The following SPEF2 variants were observed in gnomAD, a reference collection of about 807,000 sequenced individuals.
SPEF2 encodes sperm flagellar and cilia associated 2, also known as sperm flagella and cilia-associated protein 2.
A neutral mutation model predicts 224.6 loss-of-function variants in SPEF2; 187 were observed. The ratio of observed to expected loss-of-function variants is 0.83; its 90% confidence interval spans 0.74 to 0.94. The LOEUF (loss-of-function observed/expected upper bound fraction) is 0.94. Ranked by LOEUF, SPEF2 falls within the 40% of genes least tolerant of loss-of-function variation. SPEF2 has a pLI of 0.00. For missense variants in SPEF2, 2,170 were observed against 2,135.6 expected (o/e 1.02, Z -0.32); for synonymous variants, 715 against 707.3 (o/e 1.01, Z -0.17).
intron 36 of SPEF2, chr5:35,807,771 A>C (rs1758258297): frequency 6.5e-7 from 1 of 1,535,710 alleles, no homozygotes; most frequent in African/African-American, 1.4e-5. Flanking sequence ...CAGCAGAAGA[A>C]AGGAAGAACT....
intron 36 of SPEF2, among the ~76,000 whole-genome samples, chr5:35,813,832 T>TAA (rs34553306): frequency 8.2e-4 from 122 of 148,348 alleles, no homozygotes; most frequent in Non-Finnish European, 8.2e-4. Context: ...AATTGTGAAA[T>TAA]AAAAAAAAAA....
At chr5:35,683,446 G>A (rs1400147038) in intron 10 of SPEF2, among the ~76,000 whole-genome samples, 1 of 152,134 alleles carries the variant, frequency 6.6e-6, no homozygotes, top group East Asian at 1.9e-4. Context: ...CCAACATGGT[G>A]AAACCCTGTC....
chr5:35,679,490 A>C (rs910243570), intron 10 of SPEF2, among the ~76,000 whole-genome samples: 1 of 152,184 alleles, frequency 6.6e-6, no homozygotes, highest in African/African-American at 2.4e-5. Flanking sequence ...AAGCAAAGTG[A>C]GGAGGCTCTG....
At chr5:35,638,494 CT>C (rs1025783872) in intron 2 of SPEF2, among the ~76,000 whole-genome samples, 5 of 152,086 alleles carry the variant, frequency 3.3e-5, no homozygotes, top group Admixed American at 3.3e-4. Context: ...TATTTTTTCA[CT>C]TCTACCATGA....
chr5:35,778,060 T>C (rs1028255340), intron 29 of SPEF2, among the ~76,000 whole-genome samples: 1 of 152,202 alleles, frequency 6.6e-6, no homozygotes, highest in African/African-American at 2.4e-5. Flanking sequence ...GGAGTTGAAT[T>C]CTAGAGTATC....
At chr5:35,798,483 A>G (rs1189413845) in intron 33 of SPEF2, among the ~76,000 whole-genome samples, 1 of 152,044 alleles carries the variant, frequency 6.6e-6, no homozygotes, top group Non-Finnish European at 1.5e-5. Context: ...CCTCCACGTC[A>G]TTGGTCAAAC....
At chr5:35,757,210 CTTG>C (rs1201975043) in intron 24 of SPEF2, among the ~76,000 whole-genome samples, 1 of 151,628 alleles carries the variant, frequency 6.6e-6, no homozygotes, top group Non-Finnish European at 1.5e-5. Flanking sequence ...TTATGAAAAT[CTTG>C]GATATAGTAT....
intron 26 of SPEF2, among the ~76,000 whole-genome samples, chr5:35,767,545 G>A (rs917415834): frequency 2.0e-5 from 3 of 151,938 alleles, no homozygotes; most frequent in Admixed American, 6.6e-5. Flanking sequence ...GTGATTTAGT[G>A]TGTGCTATTT....
At position 35,705,456 on chromosome 5, in the gene SPEF2, T is replaced by C. The variant is rs9292600; in HGVS notation, c.2508-195T>C. 0.54 allele frequency among the ~76,000 whole-genome samples: 81,521 copies of C among 151,922 alleles called. 22,305 individuals carry two copies. Among genetic ancestry groups the C allele is most frequent in the African/African-American group, 0.56 (23,247 of 41,498 alleles). ...ACAACATTTTCCTCTTTTACTCTCA[T>C]ACATCTCAAAAAATATGTCTTGATG... On this transcript the variant is annotated intron_variant, in intron 17 of 36. Transcript: ENST00000356031.
intron 28 of SPEF2, among the ~76,000 whole-genome samples, chr5:35,774,357 C>T (rs993972411): frequency 5.3e-5 from 8 of 152,038 alleles, no homozygotes; most frequent in African/African-American, 1.4e-4. Flanking sequence ...GTTGAAAGTT[C>T]GTATGATTTT....
chr5:35,736,468 A>AGTGTGT (rs139387194), intron 21 of SPEF2, among the ~76,000 whole-genome samples: 2,134 of 149,214 alleles, frequency 0.014, 49 homozygotes, highest in African/African-American at 0.047. Context: ...CAAGTGACAG[A>AGTGTGT]GTGTGTGTGT....
At chr5:35,667,916 C>A (rs1480106754) in intron 9 of SPEF2, among the ~76,000 whole-genome samples, 9 of 151,946 alleles carry the variant, frequency 5.9e-5, no homozygotes, top group Non-Finnish European at 1.3e-4. Flanking sequence ...AAAAAATTCA[C>A]CCTTGTTAGT....
chr5:35,645,670 T>C (rs191303839), intron 4 of SPEF2, among the ~76,000 whole-genome samples: 2 of 152,256 alleles, frequency 1.3e-5, no homozygotes, highest in Admixed American at 1.3e-4. Context: ...AGCCTGTCTA[T>C]TAGTGCCAAG....
At chr5:35,654,889 A>G (rs955912545) in intron 7 of SPEF2, among the ~76,000 whole-genome samples, 163 bp downstream of exon 7, 1 of 151,754 alleles carries the variant, frequency 6.6e-6, no homozygotes, top group Non-Finnish European at 1.5e-5. Context: ...GAAGAAAAGT[A>G]GCTATTTACT....
intron 36 of SPEF2, among the ~76,000 whole-genome samples, chr5:35,809,108 G>A (rs1310498170): frequency 6.6e-6 from 1 of 151,974 alleles, no homozygotes; most frequent in Non-Finnish European, 1.5e-5. Context: ...GTGGTGGTGA[G>A]GATTAAGTGA....
chr5:35,703,214 G>A (rs1224858397), intron 16 of SPEF2, among the ~76,000 whole-genome samples: 1 of 151,852 alleles, frequency 6.6e-6, no homozygotes, highest in Non-Finnish European at 1.5e-5. Context: ...TAAAGGTTGT[G>A]TATTTTTATT....
intron 23 of SPEF2, among the ~76,000 whole-genome samples, chr5:35,752,219 G>A (rs904169509): frequency 7.9e-5 from 12 of 152,078 alleles, no homozygotes; most frequent in Non-Finnish European, 1.5e-4. Context: ...CCACCTCGCG[G>A]CCCAAGGGTT....
intron 36 of SPEF2, among the ~76,000 whole-genome samples, chr5:35,811,861 T>C (rs1284174803): frequency 2.0e-5 from 3 of 149,910 alleles, no homozygotes; most frequent in Non-Finnish European, 4.4e-5. Context: ...CTTGGCTCAC[T>C]GCAAGCTGCA....
intron 34 of SPEF2, among the ~76,000 whole-genome samples, chr5:35,805,068 T>C (rs770975769): frequency 5.3e-5 from 8 of 152,342 alleles, no homozygotes; most frequent in South Asian, 2.1e-4. Context: ...GTGGAAATAC[T>C]AAAGCTCATT....
Sources: gnomAD v4.1 joint callset for allele counts (sites outside exome capture counted in the v4.1 genomes callset) on GRCh38, gnomAD v4.1.1 for gene constraint, MANE v1.5 for transcripts, NCBI Gene and HGNC (gene_info 2026-07-23, HGNC 2026-07-21) for gene names.